JPH3: variants seen among roughly 807,000 people sequenced by gnomAD.
The protein encoded by JPH3 is junctophilin-3.
JPH3 carries 11 observed loss-of-function variants against 59.6 expected under a neutral mutation model. The observed-to-expected ratio is 0.18, with a 90% CI of 0.12 to 0.31. JPH3 has a LOEUF of 0.31. JPH3 is among the 10% of genes least tolerant of loss of function. The pLI is 1.00. For synonymous variants in JPH3, 673 were observed against 483.6 expected (o/e 1.39, Z -5.14); for missense variants, 1,202 against 1,105.7 (o/e 1.09, Z -1.24).
At chr16:87,669,713 G>A (rs771528954) in intron 2 of JPH3, among the ~76,000 whole-genome samples, 7 of 152,162 alleles carry the variant, frequency 4.6e-5, no homozygotes, top group African/African-American at 7.2e-5. Context: ...GCAGGACCCC[G>A]TAGGGAGATG....
intron 2 of JPH3, among the ~76,000 whole-genome samples, chr16:87,662,233 C>A (rs549069117): frequency 8.5e-5 from 13 of 152,124 alleles, no homozygotes; most frequent in Non-Finnish European, 1.6e-4. Flanking sequence ...AGATATCCTA[C>A]GCTGCCGAGA....
At chr16:87,696,492 T>C in intron 4 of JPH3, 88 bp from the exon 5 acceptor site, 1 of 1,087,134 alleles carries the variant, frequency 9.2e-7, no homozygotes, top group Non-Finnish European at 1.4e-6. Flanking sequence ...GTCTGCTAGC[T>C]TGGTGAAAAG....
chr16:87,603,538 G>GCGGGCCGGGC lies in JPH3; in HGVS notation c.382+20_382+29dup, dbSNP rs759694681. ...ACCTACTCGGACGGAGGTAGGTGCC[G>GCGGGCCGGGC]CGGGCCGGGCCGGGCCGGGGCGGGA... On this transcript the variant is annotated intron_variant, in intron 1 of 4. Coordinates refer to ENST00000284262, the MANE Select transcript of JPH3 (RefSeq NM_020655.4). 2.7e-5 allele frequency: 42 copies of GCGGGCCGGGC among 1,545,338 alleles called. No individual in the cohort carries two copies. Among genetic ancestry groups the GCGGGCCGGGC allele is most frequent in the Non-Finnish European group, 3.5e-5 (40 of 1,145,376 alleles).
chr16:87,663,115 C>CTTTTTTTTTTTTTTTTTT (rs60196379), intron 2 of JPH3, among the ~76,000 whole-genome samples: 4 of 143,434 alleles, frequency 2.8e-5, no homozygotes, highest in Admixed American at 6.8e-5. Flanking sequence ...TAATTTCTTT[C>CTTTTTTTTTTTTTTTTTT]TTTTTTTTTT....
At chr16:87,677,492 G>T (rs1230662009) in intron 2 of JPH3, among the ~76,000 whole-genome samples, 2 of 152,220 alleles carry the variant, frequency 1.3e-5, no homozygotes, top group Non-Finnish European at 1.5e-5. Context: ...GCTGTGTGCT[G>T]TCTGCACCTC....
At chr16:87,656,403 G>C (rs1455423689) in intron 2 of JPH3, among the ~76,000 whole-genome samples, 1 of 152,204 alleles carries the variant, frequency 6.6e-6, no homozygotes, top group Non-Finnish European at 1.5e-5. Flanking sequence ...ATTTGTTGGG[G>C]GACTTACAGA....
At chr16:87,621,752 G>C (rs976322308) in intron 1 of JPH3, among the ~76,000 whole-genome samples, 9 of 152,220 alleles carry the variant, frequency 5.9e-5, no homozygotes, top group Admixed American at 5.2e-4. Context: ...GCCCCACTAG[G>C]GTTTGGGGTT....
At chr16:87,633,546 A>T (rs899707266) in intron 1 of JPH3, among the ~76,000 whole-genome samples, 18 of 152,120 alleles carry the variant, frequency 1.2e-4, no homozygotes, top group African/African-American at 4.3e-4. Context: ...TCACACCTGT[A>T]ATTCCAGTGC....
intron 1 of JPH3, among the ~76,000 whole-genome samples, chr16:87,641,041 C>T (rs1031712603): frequency 3.3e-5 from 5 of 152,322 alleles, no homozygotes; most frequent in African/African-American, 7.2e-5. Flanking sequence ...ACAGGGTTTC[C>T]CCCCAGTGTG....
chr16:87,666,690 C>G (rs2032873778), intron 2 of JPH3, among the ~76,000 whole-genome samples: 1 of 152,228 alleles, frequency 6.6e-6, no homozygotes, highest in African/African-American at 2.4e-5. Flanking sequence ...CTGCCTTGGT[C>G]TCCCACAGTG....
chr16:87,653,703 A>G (rs1241770556), intron 2 of JPH3: 1 of 152,244 alleles, frequency 6.6e-6, no homozygotes, highest in Non-Finnish European at 1.5e-5. Flanking sequence ...CCTAAAGTTC[A>G]TGCCAGTTAA....
intron 4 of JPH3, among the ~76,000 whole-genome samples, chr16:87,691,750 A>T (rs778326941): frequency 2.6e-5 from 4 of 151,996 alleles, no homozygotes; most frequent in Non-Finnish European, 4.4e-5. Context: ...CGTTCCCCAA[A>T]GCCCACAGAG....
intron 1 of JPH3, among the ~76,000 whole-genome samples, chr16:87,637,165 T>C (rs1342427947): frequency 6.6e-6 from 1 of 152,246 alleles, no homozygotes; most frequent in Non-Finnish European, 1.5e-5. Flanking sequence ...CGCCCCCTGC[T>C]CTGCTACCCT....
In JPH3 at chr16:87,690,348, A is replaced by G. The variant is rs1168890378; in HGVS notation, c.1988A>G (p.Glu663Gly). The change falls in exon 4 of 5, where the codon GAG becomes GGG. Residue 663 changes from glutamate (E) to glycine (G), a missense_variant. Physicochemically the swap from Glu to Gly is moderately conservative, Grantham distance 98. Transcript: ENST00000284262. ...CTGCGGTCCAAGGCCCAGAACAAGG[A>G]GAACTTCAGGCCGGCCTCCTCCGCG... is the stretch of plus-strand genomic sequence containing the variant. ...QRLRSKAQNK[E>G]NFRPASSAEP... is the part of the protein sequence containing the mutation. 6.4e-7 allele frequency: 1 copy of G among 1,571,536 alleles called. No individual in the cohort carries two copies.
chr16:87,628,504 C>G (rs1868397924), intron 1 of JPH3, among the ~76,000 whole-genome samples: 1 of 152,224 alleles, frequency 6.6e-6, no homozygotes, highest in Admixed American at 6.5e-5. Context: ...TGCCCGGTGA[C>G]AGTAAAGAAT....
chr16:87,629,666 T>G (rs8051059), intron 1 of JPH3, among the ~76,000 whole-genome samples: 36,010 of 145,018 alleles, frequency 0.25, 4,761 homozygotes, highest in African/African-American at 0.33. Flanking sequence ...GACAAGATCA[T>G]TGGTTGCCCA....
chr16:87,623,260 G>A (rs891784952), intron 1 of JPH3, among the ~76,000 whole-genome samples: 3 of 152,314 alleles, frequency 2.0e-5, no homozygotes, highest in African/African-American at 4.8e-5. Context: ...GCTGACACTC[G>A]GAGCCAGTAT....
intron 1 of JPH3, among the ~76,000 whole-genome samples, chr16:87,625,892 A>G (rs1277271045): frequency 1.3e-5 from 2 of 152,130 alleles, no homozygotes; most frequent in Non-Finnish European, 2.9e-5. Flanking sequence ...GATGACCTCC[A>G]CCTGCCAACC....
rs556014526 is a variant in JPH3, at chr16:87,644,213, C to G, written c.383-45C>G. 3.9e-6 allele frequency: 6 copies of G among 1,552,698 alleles called. No homozygotes were observed. In the African/African-American group the frequency reaches 5.4e-5, roughly 14 times the overall value. ...CCTGTCCGTGGCCAGGCTGTGCCCCCTCCTCTGTCGCTGGGCACTCACCCC... is the reference window on the plus strand; with the variant it reads ...CCTGTCCGTGGCCAGGCTGTGCCCCGTCCTCTGTCGCTGGGCACTCACCCC... On this transcript the variant is annotated intron_variant, in intron 1 of 4. Coordinates refer to ENST00000284262, the MANE Select transcript of JPH3 (RefSeq NM_020655.4).
Sources: gnomAD v4.1 joint callset for allele counts (sites outside exome capture counted in the v4.1 genomes callset) on GRCh38, gnomAD v4.1.1 for gene constraint, MANE v1.5 for transcripts, NCBI Gene and HGNC (gene_info 2026-07-23, HGNC 2026-07-21) for gene names.